Variants in UBE4B observed in about 807,000 individuals in gnomAD.
UBE4B encodes ubiquitination factor E4B, also known as ubiquitin conjugation factor E4 B.
A neutral mutation model predicts 148.1 loss-of-function variants in UBE4B; 27 were observed. The ratio of observed to expected loss-of-function variants is 0.18; its 90% CI spans 0.13 to 0.25. The LOEUF (loss-of-function observed/expected upper bound fraction) is 0.25, where lower values mean the gene tolerates loss of function less well. UBE4B is among the 10% of genes least tolerant of loss of function. UBE4B has a pLI of 1.00. For synonymous variants in UBE4B, 596 were observed against 619.3 expected, an observed-to-expected ratio of 0.96 and a Z score of 0.56; for missense variants, 1,170 against 1,662.4, an observed-to-expected ratio of 0.70 and a Z score of 5.15.
intron 17 of UBE4B, among the ~76,000 whole-genome samples, chr1:10,138,726 G>A (rs1358247567): frequency 1.3e-5 from 2 of 152,056 alleles, no homozygotes; most frequent in Admixed American, 1.3e-4. Flanking sequence ...GTTTCAGTTG[G>A]TGGAGGAAAG....
intron 14 of UBE4B, among the ~76,000 whole-genome samples, chr1:10,132,130 A>G (rs1645606541): frequency 6.6e-6 from 1 of 151,972 alleles, no homozygotes; most frequent in Admixed American, 6.6e-5. Flanking sequence ...CTCTGTCTCA[A>G]AAAAAAACAA....
chr1:10,083,716 C>A lies in UBE4B; in HGVS notation c.211+11502C>A, dbSNP rs145705562. On this transcript the variant is annotated intron_variant, in intron 2 of 27. Transcript: ENST00000343090. ...AAAAGGCTACTGAGTTCAGGAGGCTCCTAGAAGAGGTTGAAATCCTTTGCT... is the reference window on the plus strand; with the variant it reads ...AAAAGGCTACTGAGTTCAGGAGGCTACTAGAAGAGGTTGAAATCCTTTGCT... Among the ~76,000 whole-genome samples the A allele has an allele frequency of 1.6e-4, 25 of 152,196 alleles. No individual in the cohort carries two copies. In the East Asian group the frequency reaches 4.2e-3, roughly 26 times the overall value.
In UBE4B at chr1:10,102,391, C is replaced by CTTTTTT. The variant is rs33997625; in HGVS notation, c.436-525_436-520dup. Among the ~76,000 whole-genome samples the CTTTTTT allele has an allele frequency of 1.7e-3, 88 of 51,564 alleles. 26 individuals carry two copies. The highest frequency in any genetic ancestry group is 2.1e-3 in the African/African-American group (35 of 16,516). The allele number at this position is 51,564 out of a possible 152,430, so 33.8% of individuals were successfully genotyped here. A position where few individuals can be genotyped will look rare whatever the true frequency, so the allele number is the denominator to read the frequency against. On this transcript the variant is annotated intron_variant, in intron 4 of 27. Transcript: ENST00000343090. ...GGTGACTTTTGATAATGACTTTGCT[C>CTTTTTT]TTTTTTTTTTTTTTTTTTTTTTTTT...
At chr1:10,153,058 A>G (rs1464218444) in intron 21 of UBE4B, among the ~76,000 whole-genome samples, 4 of 151,974 alleles carry the variant, frequency 2.6e-5, no homozygotes, top group Admixed American at 1.3e-4. Context: ...ACCAACTGCT[A>G]CTGCTGACAG....
chr1:10,103,832 T>G (rs1295569216), intron 5 of UBE4B, among the ~76,000 whole-genome samples: 2 of 152,096 alleles, frequency 1.3e-5, no homozygotes, highest in Non-Finnish European at 2.9e-5. Flanking sequence ...TTCACCATGT[T>G]GGCCAGGACG....
At chr1:10,117,887 CAT>C (rs1557569562) in intron 8 of UBE4B, among the ~76,000 whole-genome samples, 1 of 152,208 alleles carries the variant, frequency 6.6e-6, no homozygotes, top group Admixed American at 6.5e-5. Flanking sequence ...GCCAGTGACT[CAT>C]ATGGCCCTGA....
rs1045385360 is a variant in UBE4B, at chr1:10,132,128, C to A, written c.1912-241C>A. On this transcript the variant is annotated intron_variant, in intron 14 of 27. Coordinates refer to ENST00000343090, the MANE Select transcript of UBE4B (RefSeq NM_001105562.3). ...CTGGCAACAGAGCTAGACTCTGTCT[C>A]AAAAAAAAACAAAAAACTGTAACTG... 1.9e-3 allele frequency among the ~76,000 whole-genome samples: 280 copies of A among 149,722 alleles called. 3 individuals carry two copies. Among genetic ancestry groups the A allele is most frequent in the African/African-American group, 6.4e-3 (261 of 40,792 alleles).
At position 10,106,511 on chromosome 1, in the gene UBE4B, CG is replaced by C; in HGVS notation, c.1127del (p.Gly376ValfsTer19). On this transcript the variant is annotated frameshift_variant, in exon 7 of 28. Transcript: ENST00000343090. LOFTEE classifies it high-confidence loss of function. The surrounding 1 kb of genome is among the most constrained non-coding windows in gnomAD (Gnocchi z 4.2). ...AGTTCCAGACAGAGGCCCAGCAGCA[CG>C]GGTCCACCCCTACCACCCGCCTCAC... The part of the protein sequence containing the change: ...ASSSRQRPSS[T>X]GPPLPPASPS... The C allele has an allele frequency of 1.2e-6, 2 of 1,611,576 alleles. No individual in the cohort carries two copies. The highest frequency in any genetic ancestry group is 1.7e-4 in the Middle Eastern group (1 of 6,048).
chr1:10,045,540 G>A (rs555790277), intron 1 of UBE4B, among the ~76,000 whole-genome samples: 1 of 152,312 alleles, frequency 6.6e-6, no homozygotes, highest in South Asian at 2.1e-4. Flanking sequence ...ACAGTCTACA[G>A]TCTGACATAT....
At chr1:10,076,669 A>T (rs534512952) in intron 2 of UBE4B, among the ~76,000 whole-genome samples, 124 of 151,274 alleles carry the variant, frequency 8.2e-4, no homozygotes, top group African/African-American at 2.9e-3. Context: ...GTTGCAAGTA[A>T]CTAAAGCAAG....
At chr1:10,052,624 T>G (rs1644073523) in intron 1 of UBE4B, among the ~76,000 whole-genome samples, 1 of 152,242 alleles carries the variant, frequency 6.6e-6, no homozygotes, top group Non-Finnish European at 1.5e-5. Context: ...AATGCTCTGC[T>G]GTTGCTGTCT....
intron 10 of UBE4B, among the ~76,000 whole-genome samples, chr1:10,122,813 T>C (rs968181217): frequency 2.6e-5 from 4 of 152,202 alleles, no homozygotes; most frequent in African/African-American, 9.6e-5. Flanking sequence ...TATCATCACT[T>C]CCTTTTTTGT....
intron 3 of UBE4B, 107 bp downstream of exon 3, chr1:10,095,703 G>T: frequency 7.7e-7 from 1 of 1,306,784 alleles, no homozygotes; most frequent in South Asian, 1.4e-5. Flanking sequence ...AGAGACCCAT[G>T]CCAGTCCTTA....
chr1:10,033,020 G>A lies in UBE4B; in HGVS notation c.-651G>A, dbSNP rs368755037. ...AATACTTGGTGGGGCGAGGGGGAAA[G>A]AGTAGGGGTGGAGGGGTAGGAGGAT... is the stretch of plus-strand genomic sequence containing the variant. On this transcript the variant is annotated 5_prime_UTR_variant, in exon 1 of 28. Coordinates refer to ENST00000343090, the MANE Select transcript of UBE4B (RefSeq NM_001105562.3). 6.6e-6 allele frequency: 1 copy of A among 152,344 alleles called. No homozygotes were observed. The highest frequency in any genetic ancestry group is 2.4e-5 in the African/African-American group (1 of 41,576). 9.4% of individuals were successfully genotyped at this position (152,344 alleles called of 1,614,324 possible).
intron 16 of UBE4B, among the ~76,000 whole-genome samples, chr1:10,136,537 G>T (rs1645688309): frequency 6.6e-6 from 1 of 151,944 alleles, no homozygotes; most frequent in African/African-American, 2.4e-5. Flanking sequence ...ATTTAACGAG[G>T]TAGGACAGAA....
At chr1:10,071,712 T>TA (rs1445715619) in intron 1 of UBE4B, among the ~76,000 whole-genome samples, 1 of 142,442 alleles carries the variant, frequency 7.0e-6, no homozygotes, top group Non-Finnish European at 1.6e-5. Flanking sequence ...ATGTATGAAT[T>TA]AGAGGTGGGT....
At chr1:10,179,265 A>AG (rs1421376993) in intron 26 of UBE4B, 151 bp from the exon 27 acceptor site, 4 of 926,528 alleles carry the variant, frequency 4.3e-6, no homozygotes, top group Non-Finnish European at 6.4e-6. Context: ...CCTTTATTGA[A>AG]GGCTGATTTC....
intron 7 of UBE4B, among the ~76,000 whole-genome samples, chr1:10,107,965 T>C (rs572651153): frequency 3.3e-5 from 5 of 152,288 alleles, no homozygotes; most frequent in African/African-American, 1.2e-4. Context: ...AGATTAAAGA[T>C]CAGTCATCAA....
intron 3 of UBE4B, 89 bp downstream of exon 3, chr1:10,095,685 T>G (rs1644919252): frequency 6.6e-7 from 1 of 1,525,266 alleles, no homozygotes. Context: ...TAGTCAGAAA[T>G]GCCAGCTAGA....
Sources: allele counts gnomAD v4.1 joint callset (sites outside exome capture counted in the v4.1 genomes callset), GRCh38; gene constraint gnomAD v4.1.1; non-coding constraint Gnocchi (gnomAD v3.1); transcripts MANE v1.5; gene names NCBI Gene and HGNC (gene_info 2026-07-23, HGNC 2026-07-21).